Variants in CTTNBP2 observed in about 807,000 individuals in gnomAD.
The protein encoded by CTTNBP2 is cortactin binding protein 2, also known as cortactin-binding protein 2.
A neutral mutation model predicts 156.9 loss-of-function variants in CTTNBP2; 108 were observed. That is an observed-to-expected ratio of 0.69 (90% confidence interval 0.59 to 0.81). The LOEUF (loss-of-function observed/expected upper bound fraction) is 0.81, where lower values mean the gene tolerates loss of function less well. CTTNBP2 is among the 30% of genes least tolerant of loss of function. The pLI is 0.00. For synonymous variants in CTTNBP2, 767 were observed against 751.8 expected (o/e 1.02, Z -0.33); for missense variants, 1,924 against 2,035.4 (o/e 0.95, Z 1.05).
intron 2 of CTTNBP2, among the ~76,000 whole-genome samples, chr7:117,860,786 AT>A (rs1381731749): frequency 1.3e-5 from 2 of 152,262 alleles, no homozygotes; most frequent in Non-Finnish European, 2.9e-5. Context: ...AAATAAAAAA[AT>A]AACAATTTTT....
chr7:117,771,086 T>C (rs1797773012), intron 8 of CTTNBP2, among the ~76,000 whole-genome samples: 2 of 152,150 alleles, frequency 1.3e-5, no homozygotes, highest in Admixed American at 1.3e-4. Context: ...GCTGTCTTTA[T>C]GCTGGGTGCC....
chr7:117,781,221 T>G (rs1004161034), intron 6 of CTTNBP2, among the ~76,000 whole-genome samples: 1 of 152,222 alleles, frequency 6.6e-6, no homozygotes, highest in African/African-American at 2.4e-5. Context: ...CAAGACTTTG[T>G]GACACTTATT....
chr7:117,746,545 A>G (rs1395440709), intron 12 of CTTNBP2, among the ~76,000 whole-genome samples: 1 of 152,182 alleles, frequency 6.6e-6, no homozygotes, highest in Non-Finnish European at 1.5e-5. Context: ...AGAATAAAAA[A>G]TTACTGAGTG....
chr7:117,848,032 T>C (rs1231488110), intron 2 of CTTNBP2, among the ~76,000 whole-genome samples: 5 of 151,962 alleles, frequency 3.3e-5, no homozygotes, highest in African/African-American at 1.2e-4. Context: ...TTGGCCAGGA[T>C]GGTCTAGATC....
At chr7:117,799,464 T>TAA (rs568543909) in intron 3 of CTTNBP2, among the ~76,000 whole-genome samples, 139 of 146,332 alleles carry the variant, frequency 9.5e-4, no homozygotes, top group African/African-American at 3.3e-3. Context: ...CCATTCATGA[T>TAA]AAAAAAAAAA....
rs762021072 is a variant in CTTNBP2 at position 117,861,271 on chromosome 7, T to C, written c.127A>G (p.Met43Val). 1.4e-5 allele frequency: 23 copies of C among 1,613,862 alleles called. No individual in the cohort carries two copies. In the East Asian group the frequency reaches 1.6e-4, roughly 11 times the overall value. Residue 43 changes from methionine to valine, a missense_variant, in exon 2 of 23, where the codon ATG becomes GTG. Physicochemically the swap from Met to Val is conservative, Grantham distance 21 (BLOSUM62 1). Coordinates refer to ENST00000160373, the MANE Select transcript of CTTNBP2 (RefSeq NM_033427.3). ...TCCCCTTCCATCACGCTGAGGAGCA[T>C]CCGCAGCTCGGATTTACTGAGAGTA... The part of the protein sequence containing the change: ...VDTLSKSELR[M>V]LLSVMEGELE...
chr7:117,712,147 C>T (rs139563953), intron 22 of CTTNBP2, among the ~76,000 whole-genome samples: 5 of 152,274 alleles, frequency 3.3e-5, no homozygotes, highest in South Asian at 2.1e-4. Flanking sequence ...GGGTAAATCA[C>T]CTAACTTTTC....
At chr7:117,736,527 G>T (rs1002292743) in intron 14 of CTTNBP2, among the ~76,000 whole-genome samples, 1 of 152,126 alleles carries the variant, frequency 6.6e-6, no homozygotes, top group Non-Finnish European at 1.5e-5. Flanking sequence ...GAAGTAATTT[G>T]TGGTCTCAGA....
intron 2 of CTTNBP2, among the ~76,000 whole-genome samples, chr7:117,818,129 T>C (rs1800729574): frequency 6.6e-6 from 1 of 152,226 alleles, no homozygotes; most frequent in Non-Finnish European, 1.5e-5. Context: ...GCTGTATTTG[T>C]ACTTCCATTA....
chr7:117,835,078 AG>A (rs1316977249), intron 2 of CTTNBP2, among the ~76,000 whole-genome samples: 1 of 152,228 alleles, frequency 6.6e-6, no homozygotes, highest in Non-Finnish European at 1.5e-5. Flanking sequence ...ACACCTCCGT[AG>A]GTGGAATTCT....
chr7:117,830,693 T>C (rs1259777133), intron 2 of CTTNBP2, among the ~76,000 whole-genome samples: 1 of 152,252 alleles, frequency 6.6e-6, no homozygotes, highest in East Asian at 1.9e-4. Flanking sequence ...GCAACCCTGT[T>C]TGACTGCTCT....
intron 1 of CTTNBP2, among the ~76,000 whole-genome samples, chr7:117,867,390 C>G (rs917870494): frequency 4.6e-5 from 7 of 152,204 alleles, no homozygotes; most frequent in Non-Finnish European, 1.0e-4. Flanking sequence ...TGCTCTATTA[C>G]TTCACTTGGC....
At chr7:117,819,938 C>G (rs560053278) in intron 2 of CTTNBP2, among the ~76,000 whole-genome samples, 1 of 152,314 alleles carries the variant, frequency 6.6e-6, no homozygotes, top group African/African-American at 2.4e-5. Flanking sequence ...AATTTTCTCT[C>G]AAAGTGTAGA....
chr7:117,767,709 GTTGA>G, intron 8 of CTTNBP2, among the ~76,000 whole-genome samples: 1 of 152,244 alleles, frequency 6.6e-6, no homozygotes, highest in Non-Finnish European at 1.5e-5. Flanking sequence ...TGCATATCAT[GTTGA>G]TTGAGATTTT....
intron 2 of CTTNBP2, among the ~76,000 whole-genome samples, chr7:117,840,313 G>T (rs1802194181): frequency 6.6e-6 from 1 of 151,942 alleles, no homozygotes; most frequent in African/African-American, 2.4e-5. Context: ...TGATACCTGT[G>T]AGCATCCCTA....
intron 2 of CTTNBP2, among the ~76,000 whole-genome samples, chr7:117,856,800 C>T (rs1436839825): frequency 6.6e-6 from 1 of 152,106 alleles, no homozygotes. Flanking sequence ...AGGCTGGGCA[C>T]TGTAAAATGT....
intron 2 of CTTNBP2, among the ~76,000 whole-genome samples, chr7:117,822,302 C>T (rs924895869): frequency 6.6e-6 from 1 of 151,950 alleles, no homozygotes; most frequent in Non-Finnish European, 1.5e-5. Context: ...AGGAGTATTT[C>T]AATTTTGTTG....
intron 2 of CTTNBP2, among the ~76,000 whole-genome samples, chr7:117,844,653 G>A (rs913703534): frequency 5.9e-5 from 9 of 152,184 alleles, no homozygotes; most frequent in Non-Finnish European, 1.2e-4. Context: ...AACAGCTAAA[G>A]GGAAGGCAGG....
At chr7:117,734,536 C>T (rs1224170616) in intron 16 of CTTNBP2, among the ~76,000 whole-genome samples, 1 of 152,160 alleles carries the variant, frequency 6.6e-6, no homozygotes, top group African/African-American at 2.4e-5. Context: ...TTAATATCTA[C>T]CATAGCATAG....
Sources: allele counts gnomAD v4.1 joint callset (sites outside exome capture counted in the v4.1 genomes callset), GRCh38; gene constraint gnomAD v4.1.1; transcripts MANE v1.5; gene names NCBI Gene and HGNC (gene_info 2026-07-23, HGNC 2026-07-21).